Variants in CNTNAP2 observed in about 807,000 individuals in gnomAD.
The protein encoded by CNTNAP2 is contactin-associated protein-like 2.
Under a neutral mutation model 155.2 loss-of-function variants are expected in CNTNAP2, and 98 were observed. That is an observed-to-expected ratio of 0.63 (90% CI 0.54 to 0.75). The LOEUF (loss-of-function observed/expected upper bound fraction) is 0.75. Among genes scored for constraint, CNTNAP2 ranks in the 30% least tolerant of loss-of-function variants. The pLI is 0.00. For missense variants in CNTNAP2, 1,727 were observed against 1,688.1 expected, an observed-to-expected ratio of 1.02 and a Z score of -0.40; for synonymous variants, 651 against 631.2, an observed-to-expected ratio of 1.03 and a Z score of -0.47.
At chr7:147,601,933 G>A (rs963803915) in intron 12 of CNTNAP2, among the ~76,000 whole-genome samples, 14 of 151,752 alleles carry the variant, frequency 9.2e-5, no homozygotes, top group African/African-American at 1.9e-4. Flanking sequence ...TAAGTCTTCC[G>A]CCTGTGGTGT....
intron 8 of CNTNAP2, among the ~76,000 whole-genome samples, chr7:147,264,051 A>G (rs1479439020): frequency 6.6e-6 from 1 of 152,198 alleles, no homozygotes; most frequent in Non-Finnish European, 1.5e-5. Context: ...GATGTAAGCA[A>G]TGTGTTTGCT....
chr7:146,420,032 T>C (rs1489003150), intron 1 of CNTNAP2, among the ~76,000 whole-genome samples: 2 of 152,160 alleles, frequency 1.3e-5, no homozygotes, highest in African/African-American at 4.8e-5. Flanking sequence ...CAGAACTGTT[T>C]TCCCTTTGGG....
intron 1 of CNTNAP2, among the ~76,000 whole-genome samples, chr7:146,543,993 A>G (rs896702298): frequency 1.3e-5 from 2 of 151,940 alleles, no homozygotes; most frequent in Non-Finnish European, 2.9e-5. Context: ...ATTGGTTTTA[A>G]TTATCAGGGT....
rs138143130 is a variant in CNTNAP2 at position 146,448,816 on chromosome 7, A to G, written c.98-325455A>G. The stretch of plus-strand genomic sequence containing the variant: ...TCACACTACACCTTTATAGTTAAAA[A>G]CGTCACCCATCAGCCCTATACATAA... On this transcript the variant is annotated intron_variant, in intron 1 of 23. Coordinates refer to ENST00000361727, the MANE Select transcript of CNTNAP2 (RefSeq NM_014141.6). 2.9e-4 allele frequency among the ~76,000 whole-genome samples: 44 copies of G among 152,218 alleles called. 1 individual carries two copies. Among genetic ancestry groups the G allele is most frequent in the African/African-American group, 1.0e-3 (43 of 41,558 alleles).
intron 2 of CNTNAP2, among the ~76,000 whole-genome samples, chr7:146,797,300 G>A (rs1407241121): frequency 6.6e-6 from 1 of 152,158 alleles, no homozygotes. Context: ...GCAAAGCATT[G>A]AATTACAAAA....
chr7:146,137,620 C>G (rs1293269248), intron 1 of CNTNAP2, among the ~76,000 whole-genome samples: 1 of 151,780 alleles, frequency 6.6e-6, no homozygotes, highest in Admixed American at 6.6e-5. Context: ...TAAAGAAAAG[C>G]CTCTGCATAA....
chr7:146,397,794 G>C (rs1214228584), intron 1 of CNTNAP2, among the ~76,000 whole-genome samples: 1 of 151,992 alleles, frequency 6.6e-6, no homozygotes, highest in African/African-American at 2.4e-5. Flanking sequence ...AACAAAATTT[G>C]AGGGCAGATT....
At chr7:146,626,865 G>A (rs925740384) in intron 1 of CNTNAP2, among the ~76,000 whole-genome samples, 1 of 152,026 alleles carries the variant, frequency 6.6e-6, no homozygotes, top group African/African-American at 2.4e-5. Flanking sequence ...TAACCTCATA[G>A]CTTTAAAATG....
intron 8 of CNTNAP2, among the ~76,000 whole-genome samples, chr7:147,212,068 A>G (rs1371569579): frequency 6.6e-6 from 1 of 152,170 alleles, no homozygotes; most frequent in African/African-American, 2.4e-5. Context: ...CACAAGTCAG[A>G]ATGGCTAATA....
intron 10 of CNTNAP2, among the ~76,000 whole-genome samples, chr7:147,470,413 T>C (rs924813284): frequency 6.6e-6 from 1 of 151,722 alleles, no homozygotes; most frequent in African/African-American, 2.4e-5. Context: ...ATGAGAGTAA[T>C]AGCAGTAGAG....
At chr7:146,820,719 C>A (rs1337166236) in intron 2 of CNTNAP2, among the ~76,000 whole-genome samples, 1 of 152,010 alleles carries the variant, frequency 6.6e-6, no homozygotes, top group African/African-American at 2.4e-5. Flanking sequence ...CCTGGGTATC[C>A]TTGTTAACTT....
intron 13 of CNTNAP2, among the ~76,000 whole-genome samples, chr7:147,781,227 C>G (rs998848316): frequency 2.0e-5 from 3 of 152,194 alleles, no homozygotes; most frequent in African/African-American, 4.8e-5. Context: ...TGCCTTATGA[C>G]TGCTGACATT....
intron 9 of CNTNAP2, among the ~76,000 whole-genome samples, chr7:147,374,477 A>C (rs1348151386): frequency 6.6e-6 from 1 of 152,114 alleles, no homozygotes; most frequent in Non-Finnish European, 1.5e-5. Flanking sequence ...CATTTTTAAT[A>C]ATCTGAACCA....
intron 3 of CNTNAP2, among the ~76,000 whole-genome samples, chr7:147,032,434 T>G (rs1246482907): frequency 6.6e-6 from 1 of 152,204 alleles, no homozygotes; most frequent in African/African-American, 2.4e-5. Flanking sequence ...TCATCAAATC[T>G]GGCCATAAAT....
intron 8 of CNTNAP2, among the ~76,000 whole-genome samples, chr7:147,213,780 A>G (rs1803206544): frequency 6.6e-6 from 1 of 152,128 alleles, no homozygotes. Context: ...CCCAGGAACT[A>G]GGGAAACCTA....
chr7:146,581,977 C>A (rs1162956899), intron 1 of CNTNAP2, among the ~76,000 whole-genome samples: 2 of 151,996 alleles, frequency 1.3e-5, no homozygotes, highest in Non-Finnish European at 1.5e-5. Context: ...GCATAAATAG[C>A]TGTAATACAA....
chr7:146,917,605 A>G lies in CNTNAP2; in HGVS notation c.402+77701A>G, dbSNP rs143631927. ...ATGGTTTGGCTGTGCCCCCACCCAC[A>G]TCTCATCTTGAATTGTAGCTCGCAC... On this transcript the variant is annotated intron_variant, in intron 3 of 23. Transcript: ENST00000361727. Among the ~76,000 whole-genome samples the G allele has an allele frequency of 3.9e-5, 6 of 152,254 alleles. No homozygotes were observed. The East Asian group carries it at 1.2e-3, about 29-fold the overall frequency.
chr7:148,368,754 C>T (rs1004039789), intron 21 of CNTNAP2, among the ~76,000 whole-genome samples: 4 of 152,124 alleles, frequency 2.6e-5, no homozygotes, highest in Non-Finnish European at 5.9e-5. Context: ...GTGAGAGGGT[C>T]GTGATCTATT....
At chr7:147,586,756 A>T (rs1056526730) in intron 12 of CNTNAP2, among the ~76,000 whole-genome samples, 4 of 152,132 alleles carry the variant, frequency 2.6e-5, no homozygotes, top group African/African-American at 7.2e-5. Flanking sequence ...GGCTGAAATC[A>T]GTTCCTGTTC....
Sources: gnomAD v4.1 joint callset for allele counts (sites outside exome capture counted in the v4.1 genomes callset) on GRCh38, gnomAD v4.1.1 for gene constraint, MANE v1.5 for transcripts, NCBI Gene and HGNC (gene_info 2026-07-23, HGNC 2026-07-21) for gene names.